Variants in LSAMP observed in about 807,000 individuals in gnomAD.
LSAMP encodes limbic system associated membrane protein, also known as limbic system-associated membrane protein.
In LSAMP, 7 loss-of-function variants were observed where a neutral mutation model predicts 38.6. That is an observed-to-expected ratio of 0.18 (90% CI 0.10 to 0.34). LSAMP has a LOEUF of 0.34. LSAMP is among the 10% of genes least tolerant of loss of function. The pLI, the probability that LSAMP is intolerant of heterozygous loss-of-function variation, is 1.00. For synonymous variants in LSAMP, 154 were observed against 166.8 expected (o/e 0.92, Z 0.59); for missense variants, 313 against 420.0 (o/e 0.75, Z 2.23).
intron 1 of LSAMP, among the ~76,000 whole-genome samples, chr3:116,417,861 C>T (rs140094572): frequency 6.6e-6 from 1 of 152,238 alleles, no homozygotes; most frequent in Non-Finnish European, 1.5e-5. Flanking sequence ...GTATCAGTGC[C>T]TAGGTCCTGT....
intron 2 of LSAMP, among the ~76,000 whole-genome samples, chr3:116,062,371 T>C (rs1033993156): frequency 9.9e-5 from 15 of 152,246 alleles, no homozygotes; most frequent in African/African-American, 3.4e-4. Flanking sequence ...TAGCCGGGCG[T>C]GGTGGTGCAC....
At chr3:116,096,946 A>C (rs188337934) in intron 1 of LSAMP, among the ~76,000 whole-genome samples, 61 of 152,330 alleles carry the variant, frequency 4.0e-4, no homozygotes, top group Non-Finnish European at 6.8e-4. Flanking sequence ...TACAGTTGAG[A>C]GAGGATGAGA....
At chr3:116,196,000 A>C (rs998806) in intron 1 of LSAMP, among the ~76,000 whole-genome samples, 1 of 152,136 alleles carries the variant, frequency 6.6e-6, no homozygotes, top group Non-Finnish European at 1.5e-5. Flanking sequence ...CTATAAATCA[A>C]TGAGCTAGTA....
intron 1 of LSAMP, among the ~76,000 whole-genome samples, chr3:116,415,459 G>T (rs907296824): frequency 6.6e-6 from 1 of 152,054 alleles, no homozygotes; most frequent in Non-Finnish European, 1.5e-5. Flanking sequence ...CAGATTCATT[G>T]GCCACTGGGC....
intron 1 of LSAMP, among the ~76,000 whole-genome samples, chr3:116,386,663 G>A (rs1425995248): frequency 6.6e-6 from 1 of 152,076 alleles, no homozygotes; most frequent in Non-Finnish European, 1.5e-5. Context: ...TATAGAGATG[G>A]TATCTTGCTA....
chr3:116,028,299 T>C (rs55908139), intron 2 of LSAMP, among the ~76,000 whole-genome samples: 3 of 152,258 alleles, frequency 2.0e-5, no homozygotes, highest in Non-Finnish European at 4.4e-5. Flanking sequence ...CATGTTTTGC[T>C]GCATGGTGTG....
At chr3:116,157,544 CA>C (rs536287516) in intron 1 of LSAMP, among the ~76,000 whole-genome samples, 10 of 150,884 alleles carry the variant, frequency 6.6e-5, no homozygotes, top group African/African-American at 2.4e-4. Flanking sequence ...AAATATATTT[CA>C]AAAAAAATAG....
intron 6 of LSAMP, among the ~76,000 whole-genome samples, chr3:115,829,479 C>A (rs1934539119): frequency 6.6e-6 from 1 of 152,206 alleles, no homozygotes; most frequent in Non-Finnish European, 1.5e-5. Flanking sequence ...TGCCTAAATT[C>A]TATTTGTAGT....
chr3:116,290,136 G>T (rs1052590488), intron 1 of LSAMP, among the ~76,000 whole-genome samples: 40 of 152,240 alleles, frequency 2.6e-4, no homozygotes, highest in African/African-American at 8.9e-4. Flanking sequence ...GCACCTTTGA[G>T]TGGGTATACA....
At chr3:115,839,995 G>C (rs113153173) in intron 6 of LSAMP, among the ~76,000 whole-genome samples, 2 of 152,118 alleles carry the variant, frequency 1.3e-5, no homozygotes, top group South Asian at 2.1e-4. Context: ...CCATGACCAC[G>C]AGCAGTATCT....
At chr3:115,858,339 A>AT (rs931725111) in intron 3 of LSAMP, among the ~76,000 whole-genome samples, 11 of 151,998 alleles carry the variant, frequency 7.2e-5, no homozygotes, top group African/African-American at 2.2e-4. Context: ...GGAATTAAAA[A>AT]TTTTTTTACA....
chr3:116,113,421 T>TATATATATATATATATATATA (rs375765408), intron 1 of LSAMP, among the ~76,000 whole-genome samples: 1 of 30,886 alleles, frequency 3.2e-5, no homozygotes. Flanking sequence ...TATATATATA[T>TATATATATATATATATATATA]TTTTTTTTTT....
chr3:116,436,619 C>G (rs2049352541), intron 1 of LSAMP, among the ~76,000 whole-genome samples: 1 of 152,054 alleles, frequency 6.6e-6, no homozygotes, highest in African/African-American at 2.4e-5. Context: ...AAAATCAAAA[C>G]TACAATGTGA....
intron 1 of LSAMP, among the ~76,000 whole-genome samples, chr3:116,214,502 T>A (rs1348213698): frequency 1.5e-5 from 2 of 137,710 alleles, no homozygotes; most frequent in African/African-American, 5.9e-5. Context: ...AATGGGTCTT[T>A]TTTTTTTTTT....
intron 3 of LSAMP, among the ~76,000 whole-genome samples, chr3:115,991,656 T>A (rs1939671990): frequency 6.6e-6 from 1 of 152,084 alleles, no homozygotes; most frequent in Non-Finnish European, 1.5e-5. Flanking sequence ...ATCTCCAAAT[T>A]GTATCTATCT....
At chr3:116,002,212 C>T (rs1174337853) in intron 3 of LSAMP, among the ~76,000 whole-genome samples, 1 of 152,106 alleles carries the variant, frequency 6.6e-6, no homozygotes. Context: ...CTGGCAATTG[C>T]CCACTCCACT....
At position 115,918,263 on chromosome 3, in the gene LSAMP, G is replaced by T. The variant is rs1302896499; in HGVS notation, c.515-65646C>A. ...ACCACATTATTCCAAATGATGCAAA[G>T]GTTATGGATTATTCTTCTTGGCCTG... On this transcript the variant is annotated intron_variant, in intron 3 of 6. Transcript: ENST00000490035. Among the ~76,000 whole-genome samples, 4 of 152,158 alleles carry T rather than the reference G, an allele frequency of 2.6e-5. No homozygotes were observed. In the East Asian group the frequency reaches 5.8e-4, roughly 22 times the overall value.
intron 1 of LSAMP, among the ~76,000 whole-genome samples, chr3:116,393,534 C>G (rs1478600399): frequency 6.6e-6 from 1 of 152,178 alleles, no homozygotes; most frequent in East Asian, 1.9e-4. Context: ...GTGTGGGACC[C>G]AGGCTGGTAG....
At chr3:116,299,728 G>A (rs2047382323) in intron 1 of LSAMP, among the ~76,000 whole-genome samples, 1 of 152,172 alleles carries the variant, frequency 6.6e-6, no homozygotes, top group Non-Finnish European at 1.5e-5. Context: ...AGTTGTGCAA[G>A]AAGCATGCAG....
Sources: allele counts gnomAD v4.1 joint callset (sites outside exome capture counted in the v4.1 genomes callset), GRCh38; gene constraint gnomAD v4.1.1; transcripts MANE v1.5; gene names NCBI Gene and HGNC (gene_info 2026-07-23, HGNC 2026-07-21).